STAM: variants seen among roughly 807,000 people sequenced by gnomAD.
The protein encoded by STAM is signal transducing adaptor molecule, also known as signal transducing adapter molecule 1.
Under a neutral mutation model 63.4 loss-of-function variants are expected in STAM, and 16 were observed. The observed-to-expected ratio is 0.25, with a 90% CI of 0.17 to 0.38. STAM has a LOEUF of 0.38. Among genes scored for constraint, STAM ranks in the 10% least tolerant of loss-of-function variants. The probability of loss-of-function intolerance (pLI) is 1.00; values close to 1 mark genes in which losing one functional copy is unlikely to be tolerated. For synonymous variants in STAM, 238 were observed against 223.9 expected, an observed-to-expected ratio of 1.06 and a Z score of -0.56; for missense variants, 636 against 657.1, an observed-to-expected ratio of 0.97 and a Z score of 0.35.
intron 4 of STAM, among the ~76,000 whole-genome samples, chr10:17,685,349 AT>A (rs1179471082): frequency 1.3e-5 from 2 of 152,136 alleles, no homozygotes; most frequent in Non-Finnish European, 2.9e-5. Context: ...CCATCACAGG[AT>A]TTTAATACTA....
At chr10:17,688,979 G>C (rs1432261127) in intron 5 of STAM, among the ~76,000 whole-genome samples, 1 of 152,128 alleles carries the variant, frequency 6.6e-6, no homozygotes, top group African/African-American at 2.4e-5. Context: ...AATGGGAAGA[G>C]AAGCACCTGA....
At chr10:17,691,628 C>T (rs1835540716) in intron 5 of STAM, among the ~76,000 whole-genome samples, 1 of 151,994 alleles carries the variant, frequency 6.6e-6, no homozygotes, top group Admixed American at 6.6e-5. Context: ...CCTTTCATAC[C>T]CTCAACAAAC....
At position 17,684,829 on chromosome 10, in the gene STAM, T is replaced by A; in HGVS notation, c.202-3T>A. 6.2e-7 allele frequency: 1 copy of A among 1,613,954 alleles called. No individual in the cohort carries two copies. ...CCTTTAACTTCTGATTTTGTGCTTT[T>A]AGCTTCTAGGAGCATGTGTATCAAA... On this transcript the variant is annotated splice_region_variant and splice_polypyrimidine_tract_variant and intron_variant, in intron 3 of 13. Coordinates refer to ENST00000377524, the MANE Select transcript of STAM (RefSeq NM_003473.4).
chr10:17,684,019 A>G (rs1835191628), intron 2 of STAM, among the ~76,000 whole-genome samples: 1 of 152,192 alleles, frequency 6.6e-6, no homozygotes, highest in African/African-American at 2.4e-5. Flanking sequence ...CTGTATATCC[A>G]CTGAATCCTC....
chr10:17,699,402 A>C (rs1471510370), intron 8 of STAM, among the ~76,000 whole-genome samples: 2 of 152,240 alleles, frequency 1.3e-5, no homozygotes, highest in Non-Finnish European at 2.9e-5. Context: ...AGGATTAAAA[A>C]TATAGAAAGG....
rs116043440 is a variant in STAM at position 17,683,787 on chromosome 10, C to T, written c.126-888C>T. 7.5e-3 allele frequency among the ~76,000 whole-genome samples: 1,146 copies of T among 152,266 alleles called. 11 individuals carry two copies. Among genetic ancestry groups the T allele is most frequent in the African/African-American group, 0.026 (1,090 of 41,564 alleles). On this transcript the variant is annotated intron_variant, in intron 2 of 13. Coordinates refer to ENST00000377524, the MANE Select transcript of STAM (RefSeq NM_003473.4). The stretch of plus-strand genomic sequence containing the variant: ...CTGCATTCTCAGTTGACTGAATTTT[C>T]TGCTAGTTGTGTATGGTAGTTTTCT...
intron 1 of STAM, among the ~76,000 whole-genome samples, chr10:17,651,064 CAAAAAAAAAAAAA>C (rs10606057): frequency 1.8e-5 from 1 of 55,768 alleles, no homozygotes; most frequent in African/African-American, 6.8e-5. Context: ...GAGTCCGTCT[CAAAAAAAAAAAAA>C]AAAAAAAAAA....
intron 2 of STAM, among the ~76,000 whole-genome samples, chr10:17,671,257 G>A (rs1442163795): frequency 6.6e-6 from 1 of 152,056 alleles, no homozygotes. Flanking sequence ...TTTTTTTGTA[G>A]CATTTTAGAT....
chr10:17,694,517 G>T (rs1835672537), intron 6 of STAM, among the ~76,000 whole-genome samples: 1 of 152,146 alleles, frequency 6.6e-6, no homozygotes. Flanking sequence ...GTCTGCACTT[G>T]GGAAGTAGTG....
rs146245558 is a variant in STAM, at chr10:17,660,539, C to G, written c.116C>G (p.Ser39Cys). The change falls in exon 2 of 14, where the codon TCT becomes TGT. Residue 39 changes from serine to cysteine, a missense_variant. By Grantham distance (112) the Ser-to-Cys change is moderately radical. Coordinates refer to ENST00000377524, the MANE Select transcript of STAM (RefSeq NM_003473.4). ...ILDICDKVGQ[S>C]RTGPKDCLRS... ...GATATCTGTGATAAAGTTGGTCAGT[C>G]TCGCACTGGGTAAGTATTTAGCGTT... The G allele has an allele frequency of 3.1e-6, 5 of 1,598,742 alleles. No individual in the cohort carries two copies. In the African/African-American group the frequency reaches 4.1e-5, roughly 13 times the overall value.
chr10:17,692,363 A>G lies in STAM; in HGVS notation c.445-859A>G, dbSNP rs111635990. On this transcript the variant is annotated intron_variant, in intron 5 of 13. Transcript: ENST00000377524. Reference sequence around the variant, plus strand: ...AGCTGATTACTGACTGATGTGTTCAAACTCAAAAGGGAAAAAGTGAACGGA... The same window carrying G: ...AGCTGATTACTGACTGATGTGTTCAGACTCAAAAGGGAAAAAGTGAACGGA... Among the ~76,000 whole-genome samples, 1,434 of 152,352 alleles carry G rather than the reference A, an allele frequency of 9.4e-3. 23 individuals carry two copies. The highest frequency in any genetic ancestry group is 0.033 in the African/African-American group (1,354 of 41,576).
chr10:17,704,568 A>G (rs1342747353), intron 10 of STAM, 50 bp downstream of exon 10: 2 of 1,444,848 alleles, frequency 1.4e-6, no homozygotes, highest in African/African-American at 2.8e-5. Flanking sequence ...AGAGGTTAAT[A>G]ACTGGTGTCC....
At chr10:17,666,380 G>A (rs576738420) in intron 2 of STAM, among the ~76,000 whole-genome samples, 1 of 143,070 alleles carries the variant, frequency 7.0e-6, no homozygotes, top group Non-Finnish European at 1.5e-5. Flanking sequence ...TTTTTCCTTG[G>A]CTTTGTATTT....
chr10:17,675,204 A>G (rs578204277), intron 2 of STAM, among the ~76,000 whole-genome samples: 12 of 152,334 alleles, frequency 7.9e-5, no homozygotes, highest in African/African-American at 2.4e-4. Flanking sequence ...AAGCCTAATT[A>G]AAGATAATAG....
At chr10:17,691,300 C>T (rs966893952) in intron 5 of STAM, among the ~76,000 whole-genome samples, 3 of 152,084 alleles carry the variant, frequency 2.0e-5, no homozygotes, top group African/African-American at 7.2e-5. Flanking sequence ...GGGTGGGTCA[C>T]GAGGTCAGGA....
At chr10:17,676,823 T>G (rs1002805846) in intron 2 of STAM, among the ~76,000 whole-genome samples, 1 of 152,336 alleles carries the variant, frequency 6.6e-6, no homozygotes, top group Admixed American at 6.5e-5. Flanking sequence ...AATTCACTTA[T>G]AATCCCCAAA....
intron 5 of STAM, 46 bp from the exon 6 acceptor site, chr10:17,693,176 G>T: frequency 6.4e-7 from 1 of 1,563,574 alleles, no homozygotes; most frequent in Non-Finnish European, 8.8e-7. Context: ...GAGAGGAGGA[G>T]AATTTGATAA....
intron 1 of STAM, among the ~76,000 whole-genome samples, chr10:17,651,090 A>AG (rs1833724481): frequency 6.9e-6 from 1 of 143,966 alleles, no homozygotes; most frequent in African/African-American, 2.7e-5. Flanking sequence ...AAAAAAAAAA[A>AG]AGTTCTGAAG....
At position 17,714,845 on chromosome 10, in the gene STAM, T is replaced by G. The variant is rs1240644605; in HGVS notation, c.*65T>G. On this transcript the variant is annotated 3_prime_UTR_variant, in exon 14 of 14. Coordinates refer to ENST00000377524, the MANE Select transcript of STAM (RefSeq NM_003473.4). ...CCACTGACAATGTTATGAGATTCAT[T>G]ACTATCTTAAGATGTGTTTATCCTC... 7.2e-7 allele frequency: 1 copy of G among 1,395,588 alleles called. No homozygotes were observed. The highest frequency in any genetic ancestry group is 1.0e-6 in the Non-Finnish European group (1 of 982,368). 86.5% of individuals were successfully genotyped at this position (1,395,588 alleles called of 1,614,324 possible). A position where few individuals can be genotyped will look rare whatever the true frequency, so the allele number is the denominator to read the frequency against.
Sources: allele counts gnomAD v4.1 joint callset (sites outside exome capture counted in the v4.1 genomes callset), GRCh38; gene constraint gnomAD v4.1.1; transcripts MANE v1.5; gene names NCBI Gene and HGNC (gene_info 2026-07-23, HGNC 2026-07-21).